The following PCDH9 variants were observed in gnomAD, a reference collection of about 807,000 sequenced individuals.
PCDH9 encodes protocadherin 9.
PCDH9 carries 24 observed loss-of-function variants against 70.6 expected under a neutral mutation model. That is an observed-to-expected ratio of 0.34 (90% CI 0.25 to 0.48). PCDH9 has a LOEUF of 0.48. Ranked by LOEUF, PCDH9 falls within the 20% of genes least tolerant of loss-of-function variation. PCDH9 has a pLI of 0.99. For missense variants in PCDH9, 1,281 were observed against 1,503.6 expected, an observed-to-expected ratio of 0.85 and a Z score of 2.45; for synonymous variants, 562 against 558.5, an observed-to-expected ratio of 1.01 and a Z score of -0.09.
At chr13:66,438,197 G>A (rs1957910169) in intron 4 of PCDH9, among the ~76,000 whole-genome samples, 1 of 150,540 alleles carries the variant, frequency 6.6e-6, no homozygotes, top group Admixed American at 6.6e-5. Flanking sequence ...TCATGGCACT[G>A]CACTCCAGCC....
chr13:66,379,257 A>G (rs1220391843), intron 4 of PCDH9, among the ~76,000 whole-genome samples: 1 of 152,186 alleles, frequency 6.6e-6, no homozygotes, highest in Non-Finnish European at 1.5e-5. Context: ...TGGACAGCTG[A>G]GTGCAACTTA....
rs1251378721 is a variant in PCDH9 at position 66,781,078 on chromosome 13, GAAGT to G, written c.3138+122422_3138+122425del. ...GAAGTGGCCAATAATAAGTTGTGTA[GAAGT>G]AAGTGGAACTTGCTATAGTTATGAC... On this transcript the variant is annotated intron_variant, in intron 3 of 4. Coordinates refer to ENST00000377865, the MANE Select transcript of PCDH9 (RefSeq NM_203487.3). 3.9e-5 allele frequency among the ~76,000 whole-genome samples: 6 copies of G among 152,236 alleles called. 1 individual carries two copies. Among genetic ancestry groups the G allele is most frequent in the South Asian group, 4.1e-4 (2 of 4,824 alleles).
chr13:66,913,334 T>C (rs1363182329), intron 2 of PCDH9, among the ~76,000 whole-genome samples: 4 of 152,072 alleles, frequency 2.6e-5, no homozygotes, highest in Non-Finnish European at 5.9e-5. Context: ...CCCTACACTC[T>C]GAATACATCA....
chr13:66,432,001 C>G (rs1957779075), intron 4 of PCDH9, among the ~76,000 whole-genome samples: 2 of 151,908 alleles, frequency 1.3e-5, no homozygotes, highest in African/African-American at 4.8e-5. Context: ...CTCAAATGTG[C>G]TTACAATGGC....
intron 2 of PCDH9, among the ~76,000 whole-genome samples, chr13:67,191,241 T>C (rs2088903079): frequency 6.6e-6 from 1 of 152,146 alleles, no homozygotes; most frequent in South Asian, 2.1e-4. Flanking sequence ...AACTACTTTA[T>C]CTGTTTAGTA....
intron 3 of PCDH9, among the ~76,000 whole-genome samples, chr13:66,658,519 T>C (rs1747237090): frequency 6.6e-6 from 1 of 152,168 alleles, no homozygotes; most frequent in Non-Finnish European, 1.5e-5. Context: ...CAATCAATTT[T>C]ATCTTTTCTC....
At chr13:67,065,700 A>C (rs1032108922) in intron 2 of PCDH9, among the ~76,000 whole-genome samples, 9 of 152,200 alleles carry the variant, frequency 5.9e-5, no homozygotes, top group African/African-American at 1.9e-4. Context: ...AATTGGCAGG[A>C]AAATTATAAA....
At chr13:66,357,660 T>C (rs932272535) in intron 4 of PCDH9, among the ~76,000 whole-genome samples, 1 of 152,030 alleles carries the variant, frequency 6.6e-6, no homozygotes, top group Admixed American at 6.6e-5. Context: ...CATAATTTAT[T>C]TCTCTCAGAT....
intron 2 of PCDH9, among the ~76,000 whole-genome samples, chr13:67,076,979 G>A (rs896472119): frequency 1.3e-5 from 2 of 151,998 alleles, no homozygotes; most frequent in African/African-American, 2.4e-5. Flanking sequence ...TTCCCACCAC[G>A]CTCATTGCTA....
intron 3 of PCDH9, among the ~76,000 whole-genome samples, chr13:66,900,562 A>C (rs1054498718): frequency 1.3e-5 from 2 of 151,830 alleles, no homozygotes; most frequent in African/African-American, 4.8e-5. Flanking sequence ...ACTTTTTCTC[A>C]ATAGCTGATA....
chr13:67,104,995 G>A (rs140121102), intron 2 of PCDH9, among the ~76,000 whole-genome samples: 410 of 151,978 alleles, frequency 2.7e-3, no homozygotes, highest in African/African-American at 9.1e-3. Flanking sequence ...CAGGATCATT[G>A]TACTCTTGAA....
At chr13:66,380,671 G>A (rs1199896319) in intron 4 of PCDH9, among the ~76,000 whole-genome samples, 1 of 150,654 alleles carries the variant, frequency 6.6e-6, no homozygotes, top group Admixed American at 6.7e-5. Context: ...AGCCTCCTGA[G>A]TAACTGGGAC....
At chr13:66,431,361 T>A (rs1354195938) in intron 4 of PCDH9, among the ~76,000 whole-genome samples, 1 of 151,986 alleles carries the variant, frequency 6.6e-6, no homozygotes, top group African/African-American at 2.4e-5. Context: ...AGAAAGAAAC[T>A]GACACACAAA....
At chr13:66,636,378 T>G (rs2138950380) in intron 3 of PCDH9, among the ~76,000 whole-genome samples, 1 of 152,260 alleles carries the variant, frequency 6.6e-6, no homozygotes, top group South Asian at 2.1e-4. Flanking sequence ...TCTGTTATTC[T>G]AACTTCCATT....
At chr13:66,852,249 AATG>A (rs1466859998) in intron 3 of PCDH9, among the ~76,000 whole-genome samples, 2 of 152,162 alleles carry the variant, frequency 1.3e-5, no homozygotes, top group East Asian at 3.9e-4. Context: ...CAGTGATGAT[AATG>A]ATAATGTTGC....
At chr13:66,787,925 G>C (rs1430298991) in intron 3 of PCDH9, among the ~76,000 whole-genome samples, 2 of 152,086 alleles carry the variant, frequency 1.3e-5, no homozygotes, top group African/African-American at 4.8e-5. Flanking sequence ...AAAGATAAAG[G>C]TATAGAAGTT....
intron 2 of PCDH9, chr13:67,210,880 G>A (rs2089454522): frequency 6.6e-6 from 1 of 151,900 alleles, no homozygotes; most frequent in Non-Finnish European, 1.5e-5. Flanking sequence ...GCAAGGAATT[G>A]AAACTACGTA....
intron 4 of PCDH9, among the ~76,000 whole-genome samples, chr13:66,384,860 G>A (rs1380884670): frequency 1.3e-5 from 2 of 151,960 alleles, no homozygotes; most frequent in South Asian, 4.1e-4. Context: ...GTAGAGACAG[G>A]GTTTCACCAT....
chr13:66,904,936 T>A (rs2082335724), intron 2 of PCDH9, among the ~76,000 whole-genome samples: 1 of 151,910 alleles, frequency 6.6e-6, no homozygotes, highest in African/African-American at 2.4e-5. Context: ...CATGAAAAAA[T>A]ATTTTATATC....
Sources: gnomAD v4.1 joint callset for allele counts (sites outside exome capture counted in the v4.1 genomes callset) on GRCh38, gnomAD v4.1.1 for gene constraint, MANE v1.5 for transcripts, NCBI Gene and HGNC (gene_info 2026-07-23, HGNC 2026-07-21) for gene names.